The following KCNAB1 variants were observed in gnomAD, a reference collection of about 807,000 sequenced individuals.
KCNAB1 encodes the protein potassium voltage-gated channel subfamily A regulatory beta subunit 1.
In KCNAB1, 35 loss-of-function variants were observed where a neutral mutation model predicts 64.6. That is an observed-to-expected ratio of 0.54 (90% CI 0.41 to 0.72). The LOEUF (loss-of-function observed/expected upper bound fraction) is 0.72. Ranked by LOEUF, KCNAB1 falls within the 30% of genes least tolerant of loss-of-function variation. KCNAB1 has a pLI of 0.00. For synonymous variants in KCNAB1, 177 were observed against 183.8 expected, an observed-to-expected ratio of 0.96 and a Z score of 0.30; for missense variants, 401 against 512.9, an observed-to-expected ratio of 0.78 and a Z score of 2.11.
At chr3:156,314,067 G>A (rs1325520245) in intron 1 of KCNAB1, among the ~76,000 whole-genome samples, 2 of 152,160 alleles carry the variant, frequency 1.3e-5, no homozygotes, top group African/African-American at 4.8e-5. Context: ...TAGGTATCTG[G>A]CATATAAACC....
intron 1 of KCNAB1, among the ~76,000 whole-genome samples, chr3:156,234,377 C>A (rs534325757): frequency 6.6e-6 from 1 of 152,216 alleles, no homozygotes; most frequent in East Asian, 1.9e-4. Context: ...GCAATTTCCA[C>A]AAGTACCCCA....
At chr3:156,240,308 A>G (rs1020360583) in intron 1 of KCNAB1, among the ~76,000 whole-genome samples, 1 of 151,318 alleles carries the variant, frequency 6.6e-6, no homozygotes, top group Non-Finnish European at 1.5e-5. Context: ...TCCTTCCTTC[A>G]TTCCTTTCTT....
intron 8 of KCNAB1, among the ~76,000 whole-genome samples, chr3:156,498,184 C>T (rs1559916313): frequency 1.3e-5 from 2 of 152,120 alleles, no homozygotes; most frequent in African/African-American, 2.4e-5. Flanking sequence ...AGTTTAAAAA[C>T]GGATAAATCA....
chr3:156,232,422 A>G (rs1716588246), intron 1 of KCNAB1, among the ~76,000 whole-genome samples: 1 of 152,250 alleles, frequency 6.6e-6, no homozygotes, highest in Non-Finnish European at 1.5e-5. Flanking sequence ...ACCTTTAGAC[A>G]GGCTCTTATT....
intron 12 of KCNAB1, among the ~76,000 whole-genome samples, chr3:156,526,658 A>G (rs4680276): frequency 0.86 from 130,930 of 152,140 alleles, 56,533 homozygotes; most frequent in Admixed American, 0.9. Flanking sequence ...CAGGTTCTAT[A>G]GTAAGCACCT....
intron 1 of KCNAB1, among the ~76,000 whole-genome samples, chr3:156,314,285 AG>A (rs1398120175): frequency 2.6e-5 from 4 of 152,216 alleles, no homozygotes; most frequent in African/African-American, 9.6e-5. Context: ...AAAAATGTAC[AG>A]GGGTTGGGGT....
chr3:156,443,739 T>TACACACACACACAC (rs71141708), intron 2 of KCNAB1, among the ~76,000 whole-genome samples: 2 of 141,734 alleles, frequency 1.4e-5, no homozygotes, highest in African/African-American at 2.7e-5. Context: ...ATTTAGTCCT[T>TACACACACACACAC]ACACACACAC....
At chr3:156,150,752 G>A (rs1312076821) in intron 1 of KCNAB1, among the ~76,000 whole-genome samples, 3 of 152,080 alleles carry the variant, frequency 2.0e-5, no homozygotes, top group Non-Finnish European at 2.9e-5. Flanking sequence ...TCCTAGACTC[G>A]AACTTAAATT....
At chr3:156,249,041 A>G (rs1437687523) in intron 1 of KCNAB1, among the ~76,000 whole-genome samples, 1 of 150,568 alleles carries the variant, frequency 6.6e-6, no homozygotes, top group African/African-American at 2.4e-5. Context: ...TTTTTTTTTA[A>G]TTTTTTAATT....
Position 156,538,136 on chromosome 3 carries a change from AAAC to A in KCNAB1, c.*1391_*1393del, listed in dbSNP as rs1395959322. The stretch of plus-strand genomic sequence containing the variant: ...GTGTCAATATCTGTAAAAAGAGAGA[AAAC>A]ATGTTTTGTTTTTTTTTGAAGGGGG... On this transcript the variant is annotated 3_prime_UTR_variant, in exon 14 of 14. Transcript: ENST00000490337. 9.2e-6 allele frequency: 1 copy of A among 109,286 alleles called. No individual in the cohort carries two copies. The highest frequency in any genetic ancestry group is 1.8e-5 in the Non-Finnish European group (1 of 54,738). The allele number at this position is 109,286 out of a possible 1,614,324, so 6.8% of individuals were successfully genotyped here. A position where few individuals can be genotyped will look rare whatever the true frequency, so the allele number is the denominator to read the frequency against.
At chr3:156,388,577 G>A (rs931057886) in intron 1 of KCNAB1, among the ~76,000 whole-genome samples, 1 of 152,192 alleles carries the variant, frequency 6.6e-6, no homozygotes, top group African/African-American at 2.4e-5. Flanking sequence ...GCATCCCTGT[G>A]ATACAAGTGT....
intron 1 of KCNAB1, among the ~76,000 whole-genome samples, chr3:156,390,455 G>A (rs532935208): frequency 1.3e-5 from 2 of 152,122 alleles, no homozygotes; most frequent in African/African-American, 2.4e-5. Context: ...GATTAGTTTA[G>A]AGTCTTAAAA....
chr3:156,188,669 G>A (rs942344712), intron 1 of KCNAB1, among the ~76,000 whole-genome samples: 1 of 152,158 alleles, frequency 6.6e-6, no homozygotes, highest in Non-Finnish European at 1.5e-5. Context: ...TTGTGGGACA[G>A]TATGCTTCAT....
intron 4 of KCNAB1, among the ~76,000 whole-genome samples, chr3:156,458,203 A>G (rs1296122963): frequency 1.3e-5 from 2 of 152,198 alleles, no homozygotes; most frequent in African/African-American, 4.8e-5. Context: ...TTTGAACCCA[A>G]GGCAGATTTG....
intron 2 of KCNAB1, 103 bp downstream of exon 2, chr3:156,421,762 G>C: frequency 1.0e-6 from 1 of 958,682 alleles, no homozygotes; most frequent in South Asian, 1.6e-5. Flanking sequence ...TCTCAGATGA[G>C]GAGGAGGCTT....
At chr3:156,260,132 A>G (rs1323780463) in intron 1 of KCNAB1, among the ~76,000 whole-genome samples, 1 of 152,150 alleles carries the variant, frequency 6.6e-6, no homozygotes, top group Non-Finnish European at 1.5e-5. Context: ...ACCTCTTTCT[A>G]CAGCAGCTTG....
chr3:156,196,891 G>A (rs1044741563), intron 1 of KCNAB1, among the ~76,000 whole-genome samples: 6 of 152,152 alleles, frequency 3.9e-5, no homozygotes, highest in African/African-American at 9.7e-5. Flanking sequence ...ATTTTCAAAC[G>A]GAATGCTTCC....
chr3:156,336,571 C>T (rs1723732125), intron 1 of KCNAB1, among the ~76,000 whole-genome samples: 1 of 152,140 alleles, frequency 6.6e-6, no homozygotes, highest in South Asian at 2.1e-4. Context: ...GGATTAAGGA[C>T]ATTTGGGTGC....
At chr3:156,192,774 G>C (rs1713638196) in intron 1 of KCNAB1, among the ~76,000 whole-genome samples, 1 of 152,098 alleles carries the variant, frequency 6.6e-6, no homozygotes. Context: ...TTGCTTTGAA[G>C]TAGGCTTTTT....
Sources: allele counts gnomAD v4.1 joint callset (sites outside exome capture counted in the v4.1 genomes callset), GRCh38; gene constraint gnomAD v4.1.1; transcripts MANE v1.5; gene names NCBI Gene and HGNC (gene_info 2026-07-23, HGNC 2026-07-21).